Variants in TET3 observed in about 807,000 individuals in gnomAD.
The protein encoded by TET3 is tet methylcytosine dioxygenase 3.
Under a neutral mutation model 141.4 loss-of-function variants are expected in TET3, and 19 were observed. That is an observed-to-expected ratio of 0.13 (90% CI 0.09 to 0.20). The LOEUF (loss-of-function observed/expected upper bound fraction) is 0.20, where lower values mean the gene tolerates loss of function less well. TET3 is among the 10% of genes least tolerant of loss of function. TET3 has a pLI of 1.00. For synonymous variants in TET3, 1,043 were observed against 980.9 expected (o/e 1.06, Z -1.18); for missense variants, 1,874 against 2,356.9 (o/e 0.80, Z 4.24).
the TET3 span, among the ~76,000 whole-genome samples, chr2:74,113,743 C>A: frequency 1.3e-5 from 2 of 151,782 alleles, no homozygotes; most frequent in African/African-American, 4.8e-5. Context: ...TAAATTTAAC[C>A]AAGGAGGTGA....
intron 4 of TET3, among the ~76,000 whole-genome samples, chr2:74,052,886 CA>C (rs1217676418): frequency 1.3e-5 from 2 of 151,910 alleles, no homozygotes; most frequent in Admixed American, 6.6e-5. Context: ...CAAAACAAAA[CA>C]AAAAAACCCT....
intron 3 of TET3, among the ~76,000 whole-genome samples, chr2:74,036,416 C>G (rs1369029538): frequency 6.6e-6 from 1 of 152,238 alleles, no homozygotes; most frequent in East Asian, 1.9e-4. Flanking sequence ...TTAAAACCAT[C>G]TCCCTATTGT....
At chr2:74,048,495 G>T in intron 4 of TET3, 84 bp downstream of exon 4, 1 of 1,411,794 alleles carries the variant, frequency 7.1e-7, no homozygotes, top group South Asian at 1.4e-5. Flanking sequence ...CCTTTCATTT[G>T]GCAAACATTT....
intron 3 of TET3, among the ~76,000 whole-genome samples, chr2:74,009,327 C>T (rs1248999744): frequency 1.3e-5 from 2 of 152,190 alleles, no homozygotes; most frequent in Non-Finnish European, 2.9e-5. Context: ...GCTGAGAACC[C>T]TGCCTGGATC....
intron 4 of TET3, among the ~76,000 whole-genome samples, chr2:74,049,859 T>C (rs1407301807): frequency 1.3e-5 from 2 of 152,098 alleles, no homozygotes; most frequent in Admixed American, 1.3e-4. Context: ...TGAACAGATA[T>C]GCTGCCAGGC....
In TET3 at chr2:74,100,489, A is replaced by G; in HGVS notation, c.3701A>G (p.Asn1234Ser). Residue 1234 changes from asparagine (N) to serine (S), a missense_variant, in exon 12 of 12, where the codon AAC becomes AGC. Coordinates refer to ENST00000409262, the MANE Select transcript of TET3 (RefSeq NM_001287491.2). ...NHFSSFKYSGNAVVESYSVLG... is the reference protein window; with the variant it reads ...NHFSSFKYSGSAVVESYSVLG... ...TTCAGCTCCTTCAAGTACAGCGGCA[A>G]CGCGGTGGTGGAGAGCTACTCGGTG... The G allele has an allele frequency of 1.2e-6, 2 of 1,600,520 alleles. No homozygotes were observed. The highest frequency in any genetic ancestry group is 8.5e-7 in the Non-Finnish European group (1 of 1,173,752).
chr2:74,050,402 A>G (rs1461148427), intron 4 of TET3, among the ~76,000 whole-genome samples: 1 of 152,182 alleles, frequency 6.6e-6, no homozygotes, highest in Non-Finnish European at 1.5e-5. Flanking sequence ...ATCAAGTCCA[A>G]TAGGGCAAGA....
At chr2:73,990,659 A>G (rs1387171988) in intron 2 of TET3, among the ~76,000 whole-genome samples, 1 of 152,230 alleles carries the variant, frequency 6.6e-6, no homozygotes, top group Non-Finnish European at 1.5e-5. Context: ...AGAAATGGAA[A>G]GATATATGTG....
chr2:73,996,051 A>C (rs945903467), intron 2 of TET3, among the ~76,000 whole-genome samples: 1 of 152,068 alleles, frequency 6.6e-6, no homozygotes, highest in East Asian at 1.9e-4. Flanking sequence ...AGTCTTGGTC[A>C]GCAGCCCCAC....
At position 74,003,136 on chromosome 2, in the gene TET3, C is replaced by G; in HGVS notation, c.330C>G (p.Ala110=). 3 of 1,550,408 alleles carry G rather than the reference C, an allele frequency of 1.9e-6. No homozygotes were observed. The highest frequency in any genetic ancestry group is 2.6e-6 in the Non-Finnish European group (3 of 1,146,942). Residue 110 remains alanine, a synonymous_variant, in exon 3 of 12, where the codon GCC becomes GCG. Transcript: ENST00000409262. The stretch of plus-strand genomic sequence containing the variant: ...TGGAAATAAAGGCTGGTGAAGGAGC[C>G]GGGCCGTGGGGACAAGGAGCGGCTG... ...KEVEIKAGEG[A]GPWGQGAAVK...
chr2:74,056,014 A>G (rs924808751), intron 4 of TET3, among the ~76,000 whole-genome samples: 5 of 152,220 alleles, frequency 3.3e-5, no homozygotes, highest in African/African-American at 1.2e-4. Context: ...TCTGTTATAA[A>G]CAACAGAAAA....
chr2:74,077,995 T>C (rs909058998), intron 5 of TET3, among the ~76,000 whole-genome samples: 5 of 152,242 alleles, frequency 3.3e-5, no homozygotes, highest in African/African-American at 1.2e-4. Context: ...CCATGCTATA[T>C]AAACCCCTGA....
At chr2:73,994,638 CTT>C (rs572235939) in intron 2 of TET3, among the ~76,000 whole-genome samples, 3 of 96,738 alleles carry the variant, frequency 3.1e-5, no homozygotes, top group Admixed American at 1.1e-4. Context: ...TTCTTTCTTT[CTT>C]TTTTTTTTTT....
At chr2:74,002,808 C>T (rs2105143234) in intron 2 of TET3, 1 of 571,514 alleles carries the variant, frequency 1.7e-6, no homozygotes, top group Middle Eastern at 3.0e-4. Flanking sequence ...CGAGGTAGAG[C>T]GCGCGGGGCC....
chr2:74,003,226 C>T (rs1054320777), intron 3 of TET3, 60 bp downstream of exon 3: 42 of 1,543,150 alleles, frequency 2.7e-5, no homozygotes, highest in South Asian at 1.1e-4. Context: ...AAGTGTTTGA[C>T]CGGATTGGAT....
At chr2:74,115,644 G>A in the TET3 span, among the ~76,000 whole-genome samples, 5 of 152,066 alleles carry the variant, frequency 3.3e-5, no homozygotes, top group Non-Finnish European at 7.4e-5. Flanking sequence ...ATTTAATGTT[G>A]AAGATGATTC....
chr2:74,093,627 C>A lies in TET3; in HGVS notation c.3228C>A (p.Ala1076=), dbSNP rs1690638530. The change falls in exon 10 of 12, where the codon GCC becomes GCA. Residue 1076 remains alanine, a synonymous_variant. Transcript: ENST00000409262. The surrounding 1 kb of genome is among the most constrained non-coding windows in gnomAD (Gnocchi z 4.2). ...VTACMDFCAH[A]HKDQHNLYNG... ...CCTGCATGGACTTCTGTGCCCACGCCCACAAGGACCAGCATAACCTCTACA... is the reference window on the plus strand; with the variant it reads ...CCTGCATGGACTTCTGTGCCCACGCACACAAGGACCAGCATAACCTCTACA... 6.2e-7 allele frequency: 1 copy of A among 1,613,418 alleles called. No homozygotes were observed. The highest frequency in any genetic ancestry group is 8.5e-7 in the Non-Finnish European group (1 of 1,179,704).
chr2:74,069,626 AC>A (rs1689097892), intron 4 of TET3, among the ~76,000 whole-genome samples: 1 of 150,394 alleles, frequency 6.6e-6, no homozygotes, highest in African/African-American at 2.5e-5. Context: ...TTGCTGTGTC[AC>A]CCAGGCAGGA....
At position 74,102,226 on chromosome 2, in the gene TET3, CTG is replaced by C. The variant is rs746764790; in HGVS notation, c.*53_*54del. The C allele has an allele frequency of 2.9e-6, 4 of 1,395,886 alleles. No homozygotes were observed. The highest frequency in any genetic ancestry group is 3.7e-6 in the Non-Finnish European group (4 of 1,073,194). 86.5% of individuals were successfully genotyped at this position (1,395,886 alleles called of 1,614,324 possible). On this transcript the variant is annotated 3_prime_UTR_variant, in exon 12 of 12. Coordinates refer to ENST00000409262, the MANE Select transcript of TET3 (RefSeq NM_001287491.2). Reference sequence around the variant, plus strand: ...GCGTCGGGCCTGGCCCGAGCTGTCTCTGTGGTGCTTTTGCCCTCATACCTGGG... The same window carrying C: ...GCGTCGGGCCTGGCCCGAGCTGTCTCTGGTGCTTTTGCCCTCATACCTGGG...
Sources: gnomAD v4.1 joint callset for allele counts (sites outside exome capture counted in the v4.1 genomes callset) on GRCh38, gnomAD v4.1.1 for gene constraint, Gnocchi (gnomAD v3.1) non-coding constraint, MANE v1.5 for transcripts, NCBI Gene and HGNC (gene_info 2026-07-23, HGNC 2026-07-21) for gene names.